Variants in PHACTR1 observed in about 807,000 individuals in gnomAD.
The protein encoded by PHACTR1 is phosphatase and actin regulator 1.
PHACTR1 carries 16 observed loss-of-function variants against 69.2 expected under a neutral mutation model. That is an observed-to-expected ratio of 0.23 (90% CI 0.16 to 0.35). The LOEUF is 0.35. Ranked by LOEUF, PHACTR1 falls within the 10% of genes least tolerant of loss-of-function variation. The pLI is 1.00. For synonymous variants in PHACTR1, 312 were observed against 284.5 expected (o/e 1.10, Z -0.97); for missense variants, 510 against 734.7 (o/e 0.69, Z 3.54).
intron 3 of PHACTR1, among the ~76,000 whole-genome samples, chr6:12,738,149 G>C (rs1332899391): frequency 1.3e-5 from 2 of 152,108 alleles, no homozygotes; most frequent in Non-Finnish European, 1.5e-5. Flanking sequence ...CCCTTAATTT[G>C]TCTTTAAAAA....
At chr6:12,741,743 A>G (rs1481765249) in intron 3 of PHACTR1, among the ~76,000 whole-genome samples, 1 of 146,834 alleles carries the variant, frequency 6.8e-6, no homozygotes, top group Non-Finnish European at 1.5e-5. Context: ...TTTCATATAC[A>G]TGTTAGAATC....
chr6:12,945,265 T>C (rs536651182), intron 4 of PHACTR1, among the ~76,000 whole-genome samples: 1 of 152,170 alleles, frequency 6.6e-6, no homozygotes, highest in Non-Finnish European at 1.5e-5. Flanking sequence ...CCCAGATTCA[T>C]TGTCTTTCTG....
intron 3 of PHACTR1, among the ~76,000 whole-genome samples, chr6:12,721,458 C>T (rs1762119371): frequency 6.6e-6 from 1 of 151,970 alleles, no homozygotes; most frequent in South Asian, 2.1e-4. Context: ...AAAGTTAAAC[C>T]TATTTCTAGC....
intron 4 of PHACTR1, among the ~76,000 whole-genome samples, chr6:13,030,867 C>G (rs975324169): frequency 6.6e-6 from 1 of 152,168 alleles, no homozygotes; most frequent in Non-Finnish European, 1.5e-5. Context: ...ATACAGACAG[C>G]AGGATTTATT....
chr6:13,002,763 T>G (rs1257723733), intron 4 of PHACTR1, among the ~76,000 whole-genome samples: 5 of 152,212 alleles, frequency 3.3e-5, no homozygotes, highest in Admixed American at 6.5e-5. Context: ...AATTAGCTAA[T>G]CTGAATATGC....
chr6:12,838,065 G>A (rs1255798721), intron 4 of PHACTR1, among the ~76,000 whole-genome samples: 2 of 152,200 alleles, frequency 1.3e-5, no homozygotes, highest in Non-Finnish European at 2.9e-5. Context: ...CCTGCTGTCA[G>A]CTGGAGGATC....
At chr6:12,725,020 T>C (rs1762603815) in intron 3 of PHACTR1, among the ~76,000 whole-genome samples, 1 of 152,190 alleles carries the variant, frequency 6.6e-6, no homozygotes, top group Non-Finnish European at 1.5e-5. Context: ...GCACCTTTTC[T>C]GTCATCTACA....
chr6:12,721,591 C>T (rs930840292), intron 3 of PHACTR1, among the ~76,000 whole-genome samples: 3 of 152,206 alleles, frequency 2.0e-5, no homozygotes, highest in African/African-American at 4.8e-5. Flanking sequence ...CTCCATCTGT[C>T]TTGTCCTTCA....
intron 4 of PHACTR1, chr6:12,957,288 A>G: frequency 4.1e-5 from 15 of 362,204 alleles, no homozygotes; most frequent in South Asian, 1.1e-4. Context: ...CCAGGCTGTG[A>G]GTTCCAGACT....
At chr6:13,212,692 G>A (rs191827719) in intron 8 of PHACTR1, among the ~76,000 whole-genome samples, 24 of 152,098 alleles carry the variant, frequency 1.6e-4, no homozygotes, top group East Asian at 1.2e-3. Context: ...CTCACACAGC[G>A]GCCTTCCCAC....
intron 5 of PHACTR1, among the ~76,000 whole-genome samples, chr6:13,148,302 T>A (rs758303794): frequency 1.3e-5 from 2 of 152,142 alleles, no homozygotes; most frequent in African/African-American, 4.8e-5. Context: ...TATCAATTGC[T>A]TTTTCCTTCT....
chr6:13,134,118 G>C (rs1259830079), intron 5 of PHACTR1, among the ~76,000 whole-genome samples: 1 of 152,128 alleles, frequency 6.6e-6, no homozygotes, highest in East Asian at 1.9e-4. Context: ...TGTCTGGGAA[G>C]TGAGGAGCGT....
chr6:13,139,668 G>C (rs1193152835), intron 5 of PHACTR1, among the ~76,000 whole-genome samples: 1 of 152,186 alleles, frequency 6.6e-6, no homozygotes. Flanking sequence ...TAGAAACTTT[G>C]ATTGGCTCAC....
intron 3 of PHACTR1, among the ~76,000 whole-genome samples, chr6:12,728,531 C>G (rs926600785): frequency 6.6e-6 from 1 of 152,050 alleles, no homozygotes; most frequent in Non-Finnish European, 1.5e-5. Flanking sequence ...GCTCTGAGTT[C>G]AAAGGATGAT....
intron 10 of PHACTR1, among the ~76,000 whole-genome samples, chr6:13,252,395 C>G (rs1040827261): frequency 6.6e-6 from 1 of 151,306 alleles, no homozygotes; most frequent in Non-Finnish European, 1.5e-5. Context: ...AGGATAAAGT[C>G]TATTTGAAAC....
At chr6:13,142,702 A>T (rs1419335640) in intron 5 of PHACTR1, among the ~76,000 whole-genome samples, 1 of 152,192 alleles carries the variant, frequency 6.6e-6, no homozygotes, top group African/African-American at 2.4e-5. Flanking sequence ...GTCAAAAATC[A>T]ATTGACCATA....
intron 4 of PHACTR1, among the ~76,000 whole-genome samples, chr6:12,945,003 C>G (rs948729754): frequency 6.6e-6 from 1 of 151,960 alleles, no homozygotes; most frequent in Non-Finnish European, 1.5e-5. Context: ...AGGATGGTCT[C>G]GATCTCCTGA....
chr6:13,069,983 A>G (rs1407946582), intron 5 of PHACTR1, among the ~76,000 whole-genome samples: 1 of 152,202 alleles, frequency 6.6e-6, no homozygotes, highest in Non-Finnish European at 1.5e-5. Context: ...CACTGGACTC[A>G]GATCTCTGTT....
At chr6:12,762,517 C>A (rs1054892780) in intron 4 of PHACTR1, among the ~76,000 whole-genome samples, 2 of 152,124 alleles carry the variant, frequency 1.3e-5, no homozygotes, top group Non-Finnish European at 2.9e-5. Flanking sequence ...ATAGCTAAAT[C>A]TTTTTTCAAG....
Sources: gnomAD v4.1 joint callset for allele counts (sites outside exome capture counted in the v4.1 genomes callset) on GRCh38, gnomAD v4.1.1 for gene constraint, MANE v1.5 for transcripts, NCBI Gene and HGNC (gene_info 2026-07-23, HGNC 2026-07-21) for gene names.